The following DPP3 variants were observed in gnomAD, a reference collection of about 807,000 sequenced individuals.
DPP3 encodes the protein dipeptidyl peptidase 3.
In DPP3, 64 loss-of-function variants were observed where a neutral mutation model predicts 89.8. The ratio of observed to expected loss-of-function variants is 0.71; its 90% CI spans 0.58 to 0.88. The LOEUF is 0.88. DPP3 is among the 40% of genes least tolerant of loss of function. The pLI is 0.00. For missense variants in DPP3, 835 were observed against 972.5 expected (o/e 0.86, Z 1.88); for synonymous variants, 377 against 404.3 (o/e 0.93, Z 0.81).
intron 3 of DPP3, among the ~76,000 whole-genome samples, chr11:66,486,270 G>T (rs1047145782): frequency 4.6e-5 from 7 of 152,076 alleles, no homozygotes; most frequent in Non-Finnish European, 7.4e-5. Context: ...TGTAGAGATG[G>T]GGTCTCTCTG....
chr11:66,484,065 A>G (rs1417955999), intron 2 of DPP3, among the ~76,000 whole-genome samples: 1 of 151,594 alleles, frequency 6.6e-6, no homozygotes, highest in Non-Finnish European at 1.5e-5. Context: ...GCAACCTCCA[A>G]CTCCCTGGTT....
chr11:66,482,279 T>A lies in DPP3; in HGVS notation c.79T>A (p.Ser27Thr), dbSNP rs753992246. ...LDCREAFRLL[S>T]PTERLYAYHL... ...CTGCCGTGAGGCCTTCCGCCTGCTGTCACCCACAGAGCGCCTCTATGCCTA... is the reference window on the plus strand; with the variant it reads ...CTGCCGTGAGGCCTTCCGCCTGCTGACACCCACAGAGCGCCTCTATGCCTA... The change falls in exon 2 of 18, where the codon TCA (serine) becomes ACA (threonine). Residue 27 changes from serine (S) to threonine (T), a missense_variant. Transcript: ENST00000531863. The A allele has an allele frequency of 3.7e-6, 6 of 1,614,168 alleles. No homozygotes were observed. The highest frequency in any genetic ancestry group is 5.1e-6 in the Non-Finnish European group (6 of 1,180,030).
intron 9 of DPP3, chr11:66,492,425 A>G: frequency 5.5e-6 from 2 of 360,414 alleles, no homozygotes; most frequent in South Asian, 1.5e-4. Flanking sequence ...AGCTGGAGAG[A>G]TTAGCCTGGG....
At chr11:66,507,687 GT>G (rs371473944) in intron 17 of DPP3, among the ~76,000 whole-genome samples, 64,252 of 125,412 alleles carry the variant, frequency 0.51, 16,690 homozygotes, top group South Asian at 0.74. Flanking sequence ...ACTGTAAAAA[GT>G]TTTTTTTTTT....
At chr11:66,489,376 G>A (rs1256633116) in intron 6 of DPP3, among the ~76,000 whole-genome samples, 1 of 152,088 alleles carries the variant, frequency 6.6e-6, no homozygotes, top group Non-Finnish European at 1.5e-5. Context: ...CAAGCTCCCC[G>A]AGAGGAGGGC....
chr11:66,509,140 T>G lies in DPP3; in HGVS notation c.2103T>G (p.Ser701=), dbSNP rs1460192629. ...CTGCTGGCCTCATCCGATCCTTCTC[T>G]GAGCGTTTCCCAGAGGATGGACCCG... The part of the protein sequence containing the change: ...ASAAGLIRSF[S]ERFPEDGPEL... The change falls in exon 18 of 18, where the codon TCT becomes TCG. Residue 701 remains serine (S), a synonymous_variant. Transcript: ENST00000531863. The G allele has an allele frequency of 6.2e-7, 1 of 1,614,222 alleles. No homozygotes were observed. Among genetic ancestry groups the G allele is most frequent in the Non-Finnish European group, 8.5e-7 (1 of 1,180,052 alleles).
At position 66,492,798 on chromosome 11, in the gene DPP3, G is replaced by T. The variant is rs1855427798; in HGVS notation, c.1071G>T (p.Leu357=). Residue 357 remains leucine (L), a synonymous_variant, in exon 10 of 18, where the codon CTG becomes CTT. Transcript: ENST00000531863. ...GCGCAGAGCAGCTGCTGAAGGAGCT[G>T]CCCTGGCCCCCAACCTTTGAGAAGG... ...VASAEQLLKE[L]PWPPTFEKDK... is the part of the protein sequence containing the mutation. 1.9e-6 allele frequency: 3 copies of T among 1,613,938 alleles called. No homozygotes were observed. The highest frequency in any genetic ancestry group is 1.7e-5 in the Admixed American group (1 of 59,988).
rs199655711 is a variant in DPP3, at chr11:66,495,501, A to G, written c.1577+12A>G. On this transcript the variant is annotated intron_variant, in intron 14 of 17. Transcript: ENST00000531863. ...CCGCAAGTGCTGGAGTAAGAGCAGCAGGGCCGAGGGGCGGGCTGTCCCGCT... is the reference window on the plus strand; with the variant it reads ...CCGCAAGTGCTGGAGTAAGAGCAGCGGGGCCGAGGGGCGGGCTGTCCCGCT... 74 of 1,610,098 alleles carry G rather than the reference A, an allele frequency of 4.6e-5. No homozygotes were observed. The highest frequency in any genetic ancestry group is 1.3e-4 in the South Asian group (12 of 90,728).
At chr11:66,487,850 C>T in intron 5 of DPP3, 64 bp from the exon 6 acceptor site, 1 of 1,494,140 alleles carries the variant, frequency 6.7e-7, no homozygotes. Context: ...GACCCATTTT[C>T]CTTCCTCCCA....
At chr11:66,487,153 G>A in intron 4 of DPP3, 115 bp from the exon 5 acceptor site, 1 of 954,900 alleles carries the variant, frequency 1.0e-6, no homozygotes, top group South Asian at 1.4e-5. Flanking sequence ...AGATGGAGGG[G>A]TAAGGGGTAG....
At chr11:66,485,139 C>T in intron 2 of DPP3, 34 bp from the exon 3 acceptor site, 1 of 1,602,972 alleles carries the variant, frequency 6.2e-7, no homozygotes. Flanking sequence ...GGAGGCTGTG[C>T]TTCCTGGGTC....
chr11:66,502,333 A>T (rs1255206671), intron 16 of DPP3, among the ~76,000 whole-genome samples: 2 of 144,096 alleles, frequency 1.4e-5, no homozygotes, highest in African/African-American at 2.6e-5. Context: ...TTTTGATGGG[A>T]GTCTCGCTCT....
At chr11:66,509,000 T>A in intron 17 of DPP3, 79 bp from the exon 18 acceptor site, 1 of 1,538,336 alleles carries the variant, frequency 6.5e-7, no homozygotes, top group Non-Finnish European at 8.8e-7. Flanking sequence ...GCTGTAATTG[T>A]GATTATTAAG....
rs771442331 is a variant in DPP3 at position 66,509,118 on chromosome 11, C to T, written c.2081C>T (p.Ala694Val). The T allele has an allele frequency of 1.9e-6, 3 of 1,614,210 alleles. No homozygotes were observed. Among genetic ancestry groups the T allele is most frequent in the Admixed American group, 3.3e-5 (2 of 60,022 alleles). ...VQLLEYEASAAGLIRSFSERF... is the reference protein window; with the variant it reads ...VQLLEYEASAVGLIRSFSERF... ...CTTCTGGAATACGAGGCGTCAGCTGCTGGCCTCATCCGATCCTTCTCTGAG... is the reference window on the plus strand; with the variant it reads ...CTTCTGGAATACGAGGCGTCAGCTGTTGGCCTCATCCGATCCTTCTCTGAG... The change falls in exon 18 of 18, where the codon GCT becomes GTT. Residue 694 changes from alanine (A) to valine (V), a missense_variant. Ala to Val is a moderately conservative substitution (Grantham distance 64). Transcript: ENST00000531863.
intron 17 of DPP3, among the ~76,000 whole-genome samples, chr11:66,506,415 C>T (rs889169843): frequency 3.3e-5 from 5 of 151,338 alleles, no homozygotes; most frequent in Admixed American, 6.6e-5. Flanking sequence ...CCGCCATGCC[C>T]GGCTAATTTT....
At chr11:66,501,155 C>T (rs939995854) in intron 16 of DPP3, among the ~76,000 whole-genome samples, 13 of 151,364 alleles carry the variant, frequency 8.6e-5, no homozygotes, top group Non-Finnish European at 1.2e-4. Flanking sequence ...CCACTGAACT[C>T]CGGCCCAAGC....
rs191904289 is a variant in DPP3 at position 66,507,312 on chromosome 11, A to G, written c.2042-1767A>G. ...GAAACCCCGTCTCTACTAAAAATAC[A>G]AAAAATTAGCCAGGCATGGTTGCAG... On this transcript the variant is annotated intron_variant, in intron 17 of 17. Transcript: ENST00000531863. 3.0e-3 allele frequency among the ~76,000 whole-genome samples: 461 copies of G among 152,006 alleles called. 2 individuals carry two copies. Among genetic ancestry groups the G allele is most frequent in the Middle Eastern group, 6.8e-3 (2 of 294 alleles).
intron 16 of DPP3, 87 bp from the exon 17 acceptor site, chr11:66,504,525 T>G (rs1283335587): frequency 1.3e-5 from 19 of 1,469,394 alleles, no homozygotes; most frequent in Non-Finnish European, 1.7e-5. Context: ...TGTCCAGGGC[T>G]GACCACAATC....
At position 66,492,714 on chromosome 11, in the gene DPP3, A is replaced by C. The variant is rs749166224; in HGVS notation, c.989-2A>C. 1 of 1,577,278 alleles carries C rather than the reference A, an allele frequency of 6.3e-7. No individual in the cohort carries two copies. The highest frequency in any genetic ancestry group is 8.6e-7 in the Non-Finnish European group (1 of 1,163,078). On this transcript the variant is annotated splice_acceptor_variant, in intron 9 of 17. Transcript: ENST00000531863. LOFTEE classifies it high-confidence loss of function. ...AGCCACAACCCCCTCCCTCCTCTGC[A>C]GGTTTCGTAGCTGTGGTGAACAAGG...
Sources: gnomAD v4.1 joint callset for allele counts (sites outside exome capture counted in the v4.1 genomes callset) on GRCh38, gnomAD v4.1.1 for gene constraint, MANE v1.5 for transcripts, NCBI Gene and HGNC (gene_info 2026-07-23, HGNC 2026-07-21) for gene names.